STPG2: variants seen among roughly 807,000 people sequenced by gnomAD.
The protein encoded by STPG2 is sperm-tail PG-rich repeat-containing protein 2.
A neutral mutation model predicts 54.2 loss-of-function variants in STPG2; 56 were observed. The ratio of observed to expected loss-of-function variants is 1.03; its 90% CI spans 0.83 to 1.29. The LOEUF (loss-of-function observed/expected upper bound fraction) is 1.29. Among genes scored for constraint, STPG2 ranks in the 50% most tolerant of loss-of-function variants. The pLI, the probability that STPG2 is intolerant of heterozygous loss-of-function variation, is 0.00. For synonymous variants in STPG2, 200 were observed against 181.8 expected, an observed-to-expected ratio of 1.10 and a Z score of -0.81; for missense variants, 596 against 544.9, an observed-to-expected ratio of 1.09 and a Z score of -0.93.
intron 7 of STPG2, among the ~76,000 whole-genome samples, chr4:97,960,739 G>A (rs540859760): frequency 5.3e-4 from 81 of 152,112 alleles, no homozygotes; most frequent in Middle Eastern, 6.8e-3. Flanking sequence ...CTCATGGATG[G>A]GTAGAATCAA....
chr4:97,834,874 T>C lies in STPG2; in HGVS notation c.1204+5899A>G, dbSNP rs112913711. On this transcript the variant is annotated intron_variant, in intron 9 of 10. Transcript: ENST00000295268. Reference sequence around the variant, plus strand: ...TCTACCCTGAATGCAAGAGACCCAATAGTTAGGCAGCAATATTATTGCCCC... The same window carrying C: ...TCTACCCTGAATGCAAGAGACCCAACAGTTAGGCAGCAATATTATTGCCCC... 5.7e-3 allele frequency among the ~76,000 whole-genome samples: 872 copies of C among 152,056 alleles called. 5 individuals carry two copies. Among genetic ancestry groups the C allele is most frequent in the Middle Eastern group, 0.02 (6 of 294 alleles).
rs139408253 is a variant in STPG2, at chr4:98,104,532, TAAGCA to T, written c.612+1416_612+1420del. On this transcript the variant is annotated intron_variant, in intron 5 of 10. Coordinates refer to ENST00000295268, the MANE Select transcript of STPG2 (RefSeq NM_174952.3). ...AAGTGATTGTACAAATCTTCAATTT[TAAGCA>T]AAGCGTTTATTTTATATTATACTAA... 6.5e-3 allele frequency among the ~76,000 whole-genome samples: 996 copies of T among 152,304 alleles called. 14 individuals are homozygous for T. Among genetic ancestry groups the T allele is most frequent in the African/African-American group, 0.023 (944 of 41,566 alleles).
intron 5 of STPG2, among the ~76,000 whole-genome samples, chr4:98,024,025 C>T (rs1175532091): frequency 4.6e-5 from 7 of 152,148 alleles, no homozygotes; most frequent in East Asian, 3.9e-4. Context: ...GCGCACAGTT[C>T]GCTGCACCCA....
intron 5 of STPG2, among the ~76,000 whole-genome samples, chr4:98,077,206 C>A (rs1451445699): frequency 6.7e-6 from 1 of 149,144 alleles, no homozygotes; most frequent in Non-Finnish European, 1.5e-5. Context: ...ACATAAAGTT[C>A]TTTTGCGTCC....
At chr4:98,042,749 T>C (rs1737005081) in intron 5 of STPG2, among the ~76,000 whole-genome samples, 4 of 151,978 alleles carry the variant, frequency 2.6e-5, no homozygotes, top group African/African-American at 9.7e-5. Flanking sequence ...AAGTGTTCCA[T>C]GTGCTGATGA....
chr4:97,789,921 C>CCG (rs1726940520), intron 9 of STPG2, among the ~76,000 whole-genome samples: 1 of 152,058 alleles, frequency 6.6e-6, no homozygotes, highest in Non-Finnish European at 1.5e-5. Flanking sequence ...TCTCCTTTTG[C>CCG]CGCTAAAAAT....
chr4:97,686,636 G>C (rs970627898), intron 10 of STPG2, among the ~76,000 whole-genome samples: 3 of 152,016 alleles, frequency 2.0e-5, no homozygotes, highest in African/African-American at 7.2e-5. Flanking sequence ...TTTGAAACGT[G>C]ACTCCTCCCC....
At chr4:97,742,756 A>C (rs1725302637) in intron 9 of STPG2, among the ~76,000 whole-genome samples, 1 of 151,562 alleles carries the variant, frequency 6.6e-6, no homozygotes. Context: ...GTAACCTGAG[A>C]TATGGGTACA....
chr4:97,721,652 G>T (rs1013392469), intron 9 of STPG2, among the ~76,000 whole-genome samples: 6 of 152,122 alleles, frequency 3.9e-5, no homozygotes, highest in African/African-American at 1.4e-4. Flanking sequence ...CTTAGCATTT[G>T]TACACTATTA....
At chr4:97,733,878 TG>T (rs1373620940) in intron 9 of STPG2, among the ~76,000 whole-genome samples, 2 of 152,218 alleles carry the variant, frequency 1.3e-5, no homozygotes, top group Admixed American at 6.5e-5. Flanking sequence ...TTTCTCTCAG[TG>T]GGAGAGGCAG....
intron 10 of STPG2, among the ~76,000 whole-genome samples, chr4:97,702,781 G>A (rs1723815263): frequency 6.6e-6 from 1 of 152,108 alleles, no homozygotes; most frequent in East Asian, 1.9e-4. Flanking sequence ...AAGTTGTAGG[G>A]TCCCATTCTT....
chr4:97,532,876 C>T (rs1388468456), intron 4 of STPG2, among the ~76,000 whole-genome samples: 2 of 151,974 alleles, frequency 1.3e-5, no homozygotes, highest in African/African-American at 4.8e-5. Context: ...TTTTACTTAG[C>T]ATATTTTCTT....
At chr4:97,832,684 G>C (rs1728504582) in intron 9 of STPG2, among the ~76,000 whole-genome samples, 1 of 152,138 alleles carries the variant, frequency 6.6e-6, no homozygotes, top group Non-Finnish European at 1.5e-5. Flanking sequence ...CAAAATCAAT[G>C]TGCAAAAATC....
intron 5 of STPG2, among the ~76,000 whole-genome samples, chr4:97,991,164 C>T (rs956347227): frequency 2.0e-5 from 3 of 151,902 alleles, no homozygotes; most frequent in African/African-American, 7.3e-5. Flanking sequence ...ACTGGGTTTC[C>T]ATTCCTGGGT....
chr4:97,707,639 C>T (rs1447988800), intron 10 of STPG2, among the ~76,000 whole-genome samples: 1 of 151,860 alleles, frequency 6.6e-6, no homozygotes, highest in Non-Finnish European at 1.5e-5. Flanking sequence ...AATAACTGCA[C>T]TAGAAAGAAA....
intron 4 of STPG2, among the ~76,000 whole-genome samples, chr4:97,478,332 T>C (rs1560625536): frequency 6.6e-6 from 1 of 152,178 alleles, no homozygotes; most frequent in Non-Finnish European, 1.5e-5. Flanking sequence ...AAAAGCACAT[T>C]GGAATCAGAA....
intron 9 of STPG2, among the ~76,000 whole-genome samples, chr4:97,776,486 GAAAT>G (rs1427280859): frequency 6.6e-6 from 1 of 152,010 alleles, no homozygotes; most frequent in Non-Finnish European, 1.5e-5. Context: ...AATTTTATTA[GAAAT>G]AAATATTCTT....
chr4:97,916,169 C>A (rs1358603510), intron 8 of STPG2, among the ~76,000 whole-genome samples: 1 of 152,058 alleles, frequency 6.6e-6, no homozygotes, highest in Non-Finnish European at 1.5e-5. Context: ...GGACAATAAG[C>A]TATATTATCA....
intron 10 of STPG2, among the ~76,000 whole-genome samples, chr4:97,666,286 G>T (rs561364242): frequency 8.5e-5 from 13 of 152,144 alleles, no homozygotes; most frequent in African/African-American, 2.9e-4. Flanking sequence ...CAGCATCATG[G>T]CAGTGGCCTC....
Sources: gnomAD v4.1 joint callset for allele counts (sites outside exome capture counted in the v4.1 genomes callset) on GRCh38, gnomAD v4.1.1 for gene constraint, MANE v1.5 for transcripts, NCBI Gene and HGNC (gene_info 2026-07-23, HGNC 2026-07-21) for gene names.